The following NXPE3 variants were observed in gnomAD, a reference collection of about 807,000 sequenced individuals.
NXPE3 encodes neurexophilin and PC-esterase domain family member 3.
In NXPE3, 26 loss-of-function variants were observed where a neutral mutation model predicts 46.1. The ratio of observed to expected loss-of-function variants is 0.56; its 90% CI spans 0.41 to 0.78. NXPE3 has a LOEUF of 0.78. NXPE3 is among the 30% of genes least tolerant of loss of function. NXPE3 has a pLI of 0.00. For missense variants in NXPE3, 620 were observed against 686.0 expected, an observed-to-expected ratio of 0.90 and a Z score of 1.07; for synonymous variants, 272 against 257.9, an observed-to-expected ratio of 1.05 and a Z score of -0.52.
intron 4 of NXPE3, among the ~76,000 whole-genome samples, chr3:101,788,380 A>G (rs1403798912): frequency 1.3e-5 from 2 of 152,040 alleles, no homozygotes; most frequent in Non-Finnish European, 2.9e-5. Context: ...TTTACTTTGG[A>G]TGTAGTCCAG....
intron 4 of NXPE3, among the ~76,000 whole-genome samples, chr3:101,790,901 T>C (rs778107908): frequency 5.6e-4 from 85 of 152,322 alleles, no homozygotes; most frequent in Middle Eastern, 6.8e-3. Context: ...CAGCCAGTTA[T>C]TATTTTTTAA....
Position 101,807,128 on chromosome 3 carries a change from T to TA in NXPE3, c.922+10dup, listed in dbSNP as rs760559318. 97 of 1,606,052 alleles carry TA rather than the reference T, an allele frequency of 6.0e-5. No individual in the cohort carries two copies. The highest frequency in any genetic ancestry group is 3.3e-4 in the Middle Eastern group (2 of 6,046). On this transcript the variant is annotated splice_region_variant and intron_variant, in intron 6 of 7. Coordinates refer to ENST00000273347, the MANE Select transcript of NXPE3 (RefSeq NM_145037.4). ...CTGTGATTCCCAGGAGAATAAAAGGTAAAAAAAAGAATAAGCTTGATGATT... is the reference window on the plus strand; with the variant it reads ...CTGTGATTCCCAGGAGAATAAAAGGTAAAAAAAAAGAATAAGCTTGATGATT...
intron 4 of NXPE3, among the ~76,000 whole-genome samples, chr3:101,800,290 T>A (rs1264413527): frequency 6.6e-6 from 1 of 152,208 alleles, no homozygotes; most frequent in Non-Finnish European, 1.5e-5. Flanking sequence ...TTTTTAAATT[T>A]CTCATGAGAT....
intron 5 of NXPE3, among the ~76,000 whole-genome samples, chr3:101,805,033 T>C (rs542880399): frequency 2.3e-4 from 35 of 152,348 alleles, no homozygotes; most frequent in Non-Finnish European, 4.6e-4. Flanking sequence ...TATTATTGTT[T>C]TGACACATTT....
At chr3:101,779,663 C>T (rs750735058) in intron 1 of NXPE3, 6 of 152,668 alleles carry the variant, frequency 3.9e-5, no homozygotes, top group Admixed American at 1.3e-4. Context: ...CAGTTTCCTC[C>T]ACTTGCGGCA....
intron 5 of NXPE3, among the ~76,000 whole-genome samples, chr3:101,804,251 C>T (rs1318553751): frequency 6.6e-6 from 1 of 152,144 alleles, no homozygotes; most frequent in Non-Finnish European, 1.5e-5. Flanking sequence ...GTTTAGAGAA[C>T]TAAATTAGTG....
chr3:101,818,740 TATATATATA>T (rs1942092077), intron 7 of NXPE3, among the ~76,000 whole-genome samples: 7 of 33,496 alleles, frequency 2.1e-4, no homozygotes, highest in African/African-American at 4.5e-4. Flanking sequence ...TATATATATA[TATATATATA>T]TATATTTTTT....
chr3:101,787,503 T>C (rs899952471), intron 4 of NXPE3, among the ~76,000 whole-genome samples: 3 of 152,184 alleles, frequency 2.0e-5, no homozygotes, highest in Admixed American at 1.3e-4. Flanking sequence ...GATGGCGTTA[T>C]GCCATTTGAC....
In NXPE3 at chr3:101,807,424, A is replaced by G. The variant is rs143621235; in HGVS notation, c.922+298A>G. Reference sequence around the variant, plus strand: ...AGCCTTGATCTCCTAGGCTCAATTGATCCTCCCATCTCAGCCTCCCGAGTA... The same window carrying G: ...AGCCTTGATCTCCTAGGCTCAATTGGTCCTCCCATCTCAGCCTCCCGAGTA... On this transcript the variant is annotated intron_variant, in intron 6 of 7. Coordinates refer to ENST00000273347, the MANE Select transcript of NXPE3 (RefSeq NM_145037.4). Among the ~76,000 whole-genome samples, 320 of 151,984 alleles carry G rather than the reference A, an allele frequency of 2.1e-3. 2 individuals carry two copies. Among genetic ancestry groups the G allele is most frequent in the African/African-American group, 7.5e-3 (311 of 41,426 alleles).
In NXPE3 at chr3:101,785,558, C is replaced by T; in HGVS notation, c.-39C>T. On this transcript the variant is annotated 5_prime_UTR_variant, in exon 4 of 8. Coordinates refer to ENST00000273347, the MANE Select transcript of NXPE3 (RefSeq NM_145037.4). ...ATGGAATTTTAAAGAGTGAAGGTAG[C>T]ATGGTGTCGGCCATGGGTGAACAAG... is the stretch of plus-strand genomic sequence containing the variant. 1 of 1,534,548 alleles carries T rather than the reference C, an allele frequency of 6.5e-7. No homozygotes were observed. The highest frequency in any genetic ancestry group is 9.0e-7 in the Non-Finnish European group (1 of 1,107,466).
At chr3:101,783,643 A>G (rs1939966979) in intron 3 of NXPE3, among the ~76,000 whole-genome samples, 1 of 152,170 alleles carries the variant, frequency 6.6e-6, no homozygotes, top group Non-Finnish European at 1.5e-5. Context: ...TGGCTGAACC[A>G]CACTGATGTC....
At chr3:101,806,577 G>T (rs1451325328) in intron 5 of NXPE3, among the ~76,000 whole-genome samples, 1 of 152,188 alleles carries the variant, frequency 6.6e-6, no homozygotes, top group Non-Finnish European at 1.5e-5. Flanking sequence ...TCCTGGTAAT[G>T]ATGAGCAAAG....
chr3:101,798,994 G>A (rs1258017092), intron 4 of NXPE3, among the ~76,000 whole-genome samples: 1 of 152,074 alleles, frequency 6.6e-6, no homozygotes, highest in Non-Finnish European at 1.5e-5. Flanking sequence ...GGAGTTCCAT[G>A]GTGTGATCAT....
In NXPE3 at chr3:101,801,822, G is replaced by T. The variant is rs368075599; in HGVS notation, c.681G>T (p.Val227=). The T allele has an allele frequency of 6.2e-7, 1 of 1,614,158 alleles. No individual in the cohort carries two copies. The highest frequency in any genetic ancestry group is 8.5e-7 in the Non-Finnish European group (1 of 1,180,018). The change falls in exon 5 of 8, where the codon GTG becomes GTT. Residue 227 remains valine, a synonymous_variant. Transcript: ENST00000273347. Reference sequence around the variant, plus strand: ...TTTCTGAAACTACTGAGTGCAACGTGTGTCTTCCTGGGAATCTGCCCCTGT... The same window carrying T: ...TTTCTGAAACTACTGAGTGCAACGTTTGTCTTCCTGGGAATCTGCCCCTGT... ...GRISETTECN[V]CLPGNLPLCN... is the part of the protein sequence containing the mutation.
chr3:101,808,659 G>A (rs1166732656), intron 6 of NXPE3, among the ~76,000 whole-genome samples: 1 of 151,584 alleles, frequency 6.6e-6, no homozygotes, highest in Non-Finnish European at 1.5e-5. Context: ...TGAAAATATT[G>A]TATGGGCTAA....
chr3:101,816,672 C>A, intron 6 of NXPE3, 123 bp from the exon 7 acceptor site: 1 of 737,684 alleles, frequency 1.4e-6, no homozygotes, highest in Non-Finnish European at 2.2e-6. Context: ...GGTCTGACAG[C>A]AGGAAATGTT....
intron 6 of NXPE3, among the ~76,000 whole-genome samples, chr3:101,808,177 T>G (rs917716613): frequency 6.6e-6 from 1 of 152,106 alleles, no homozygotes; most frequent in Non-Finnish European, 1.5e-5. Flanking sequence ...GATTTATTGG[T>G]GTAGAATATT....
intron 6 of NXPE3, among the ~76,000 whole-genome samples, chr3:101,809,059 G>A (rs1159811164): frequency 6.6e-6 from 1 of 151,578 alleles, no homozygotes; most frequent in Non-Finnish European, 1.5e-5. Context: ...GTGTCCCAGG[G>A]ATGGTCAGTG....
chr3:101,779,737 C>T (rs918422221), intron 1 of NXPE3: 3 of 152,604 alleles, frequency 2.0e-5, no homozygotes, highest in Non-Finnish European at 2.9e-5. Context: ...CCTCCAGGCA[C>T]CTTCACTAAC....
Sources: allele counts gnomAD v4.1 joint callset (sites outside exome capture counted in the v4.1 genomes callset), GRCh38; gene constraint gnomAD v4.1.1; transcripts MANE v1.5; gene names NCBI Gene and HGNC (gene_info 2026-07-23, HGNC 2026-07-21).